RICTOR: variants seen among roughly 807,000 people sequenced by gnomAD.
The protein encoded by RICTOR is RPTOR independent companion of MTOR complex 2.
RICTOR carries 49 observed loss-of-function variants against 214.9 expected under a neutral mutation model. The ratio of observed to expected loss-of-function variants is 0.23; its 90% CI spans 0.18 to 0.29. RICTOR has a LOEUF of 0.29. Among genes scored for constraint, RICTOR ranks in the 10% least tolerant of loss-of-function variants. RICTOR has a pLI of 1.00. For missense variants in RICTOR, 1,625 were observed against 2,047.0 expected, an observed-to-expected ratio of 0.79 and a Z score of 3.98; for synonymous variants, 717 against 711.3, an observed-to-expected ratio of 1.01 and a Z score of -0.13.
intron 3 of RICTOR, among the ~76,000 whole-genome samples, chr5:39,012,532 TCTA>T (rs1754613616): frequency 6.6e-6 from 1 of 152,224 alleles, no homozygotes; most frequent in African/African-American, 2.4e-5. Flanking sequence ...CTGCGAAGCC[TCTA>T]CTAATAATCA....
chr5:38,943,167 T>TAA lies in RICTOR; in HGVS notation c.4914-198_4914-197dup, dbSNP rs1554058622. The TAA allele has an allele frequency of 2.7e-3, 1,103 of 415,344 alleles. 4 individuals are homozygous for TAA. Among genetic ancestry groups the TAA allele is most frequent in the East Asian group, 0.012 (330 of 28,238 alleles). 25.7% of individuals were successfully genotyped at this position (415,344 alleles called of 1,614,324 possible). Reference sequence around the variant, plus strand: ...GACATTCTGAGTTTGGGTTTTTTTTTAAAAAAAATGATTATCAAAACCTGA... The same window carrying TAA: ...GACATTCTGAGTTTGGGTTTTTTTTTAAAAAAAAAATGATTATCAAAACCTGA... On this transcript the variant is annotated intron_variant, in intron 36 of 37. Coordinates refer to ENST00000357387, the MANE Select transcript of RICTOR (RefSeq NM_152756.5).
In RICTOR at chr5:38,938,354, G is replaced by A. The variant is rs1203857870; in HGVS notation, c.*3950C>T. On this transcript the variant is annotated 3_prime_UTR_variant, in exon 38 of 38. Coordinates refer to ENST00000357387, the MANE Select transcript of RICTOR (RefSeq NM_152756.5). Reference sequence around the variant, plus strand: ...CATTTGTTTTACAATGCAGCTTTAGGGTTTCTGACAGGTATTTTTGTAACA... The same window carrying A: ...CATTTGTTTTACAATGCAGCTTTAGAGTTTCTGACAGGTATTTTTGTAACA... The A allele has an allele frequency of 4.4e-6, 1 of 229,168 alleles. No individual in the cohort carries two copies. The highest frequency in any genetic ancestry group is 8.6e-6 in the Non-Finnish European group (1 of 115,612). The allele number at this position is 229,168 out of a possible 1,614,324, so 14.2% of individuals were successfully genotyped here. A position where few individuals can be genotyped will look rare whatever the true frequency, so the allele number is the denominator to read the frequency against.
chr5:38,973,308 C>T (rs149649721), intron 10 of RICTOR, among the ~76,000 whole-genome samples: 119 of 152,236 alleles, frequency 7.8e-4, no homozygotes, highest in Non-Finnish European at 1.2e-3. Context: ...CATAAACAGA[C>T]ATCTAGTTCT....
chr5:38,949,822 A>G lies in RICTOR; in HGVS notation c.4026T>C (p.His1342=), dbSNP rs2112846201. 1 of 1,613,488 alleles carries G rather than the reference A, an allele frequency of 6.2e-7. No individual in the cohort carries two copies. The highest frequency in any genetic ancestry group is 8.5e-7 in the Non-Finnish European group (1 of 1,179,548). The part of the protein sequence containing the change: ...TLKRLQQQRM[H]PSLSHSEALA... Reference sequence around the variant, plus strand: ...AAGCTTCAGAGTGAGATAAGGATGGATGCATTCTTTGTTGCTGTAGTCTTT... The same window carrying G: ...AAGCTTCAGAGTGAGATAAGGATGGGTGCATTCTTTGTTGCTGTAGTCTTT... Residue 1342 remains histidine (H), a synonymous_variant, in exon 31 of 38, where the codon CAT becomes CAC. Transcript: ENST00000357387.
chr5:38,962,664 A>C, intron 17 of RICTOR, 78 bp from the exon 18 acceptor site: 1 of 887,424 alleles, frequency 1.1e-6, no homozygotes. Context: ...AATTTGAAAA[A>C]ATGAAAGGCA....
In RICTOR at chr5:39,002,558, C is replaced by T. The variant is rs2150105530; in HGVS notation, c.369G>A (p.Leu123=). 1 of 1,609,152 alleles carries T rather than the reference C, an allele frequency of 6.2e-7. No homozygotes were observed. Among genetic ancestry groups the T allele is most frequent in the Non-Finnish European group, 8.5e-7 (1 of 1,177,156 alleles). ...ACCTAGCTATTAAATAGTCCACTTT[C>T]AATTTTAGCACCTTCTGGAGAATAC... ...DSSILQKVLK[L]KVDYLIARCI... The change falls in exon 5 of 38, where the codon TTG becomes TTA. Residue 123 remains leucine (L), a synonymous_variant. Transcript: ENST00000357387.
At chr5:38,947,529 T>A in intron 31 of RICTOR, 88 bp from the exon 32 acceptor site, 3 of 951,800 alleles carry the variant, frequency 3.2e-6, no homozygotes, top group Non-Finnish European at 4.8e-6. Context: ...CCTACCTTCA[T>A]AAAAGACAAG....
At chr5:39,018,558 A>G (rs911529290) in intron 3 of RICTOR, among the ~76,000 whole-genome samples, 1 of 152,038 alleles carries the variant, frequency 6.6e-6, no homozygotes, top group Non-Finnish European at 1.5e-5. Flanking sequence ...TGTTTTCATT[A>G]TTATTATCTG....
At chr5:38,944,770 AAC>A (rs1747990267) in intron 35 of RICTOR, 141 bp downstream of exon 35, 1 of 869,374 alleles carries the variant, frequency 1.2e-6, no homozygotes, top group African/African-American at 1.7e-5. Context: ...TGCAATAATT[AAC>A]AGTGTTAAAT....
intron 6 of RICTOR, among the ~76,000 whole-genome samples, chr5:38,991,745 T>C (rs918481584): frequency 1.3e-5 from 2 of 152,130 alleles, no homozygotes; most frequent in Admixed American, 6.6e-5. Flanking sequence ...ACATTAAAGA[T>C]CTAACTGGCA....
chr5:39,031,475 T>C (rs16867988), intron 2 of RICTOR, among the ~76,000 whole-genome samples: 6,847 of 152,258 alleles, frequency 0.045, 285 homozygotes, highest in African/African-American at 0.1. Context: ...ATTTCAATTG[T>C]GCTCTTCTAA....
chr5:39,025,813 T>C (rs559872440), intron 2 of RICTOR, among the ~76,000 whole-genome samples: 1 of 152,152 alleles, frequency 6.6e-6, no homozygotes, highest in African/African-American at 2.4e-5. Flanking sequence ...ACCAATACGT[T>C]ACGGGTTAGG....
At chr5:39,009,106 G>T (rs957248174) in intron 3 of RICTOR, among the ~76,000 whole-genome samples, 7 of 152,054 alleles carry the variant, frequency 4.6e-5, no homozygotes, top group African/African-American at 1.7e-4. Context: ...AAAATGAAAG[G>T]TTGTAAAATT....
At chr5:38,984,638 A>C (rs767911293) in intron 7 of RICTOR, among the ~76,000 whole-genome samples, 1 of 152,000 alleles carries the variant, frequency 6.6e-6, no homozygotes, top group African/African-American at 2.4e-5. Context: ...AAAATCCTCA[A>C]TGGTAGGTTT....
In RICTOR at chr5:39,008,135, GC is replaced by G. The variant is rs1284308669; in HGVS notation, c.196-4514del. On this transcript the variant is annotated intron_variant, in intron 3 of 37. Transcript: ENST00000357387. ...ATAAGAAAAATATGCAGAATCTATT[GC>G]TAAATGGGGAAAAGATTCTGTAAGA... Among the ~76,000 whole-genome samples, 63 of 151,718 alleles carry G rather than the reference GC, an allele frequency of 4.2e-4. 2 individuals are homozygous for G. The highest frequency in any genetic ancestry group is 4.1e-3 in the Admixed American group (63 of 15,234).
chr5:38,952,533 C>A, intron 29 of RICTOR, 108 bp from the exon 30 acceptor site: 3 of 623,004 alleles, frequency 4.8e-6, no homozygotes, highest in Non-Finnish European at 5.0e-6. Context: ...CTAAAACCCA[C>A]CAAAATGGTT....
At chr5:39,001,819 A>G (rs1322911741) in intron 5 of RICTOR, among the ~76,000 whole-genome samples, 1 of 152,126 alleles carries the variant, frequency 6.6e-6, no homozygotes, top group Non-Finnish European at 1.5e-5. Context: ...ACCCCACACA[A>G]GAAAGGATAT....
chr5:39,001,908 T>C (rs905672259), intron 5 of RICTOR, among the ~76,000 whole-genome samples: 1 of 152,092 alleles, frequency 6.6e-6, no homozygotes, highest in African/African-American at 2.4e-5. Flanking sequence ...AGAAGTATAA[T>C]CAGTGCAATC....
At chr5:38,986,948 T>C (rs1305570893) in intron 7 of RICTOR, among the ~76,000 whole-genome samples, 1 of 152,214 alleles carries the variant, frequency 6.6e-6, no homozygotes, top group Non-Finnish European at 1.5e-5. Context: ...TTGAATATTT[T>C]ACTGAAGGCC....
Sources: gnomAD v4.1 joint callset for allele counts (sites outside exome capture counted in the v4.1 genomes callset) on GRCh38, gnomAD v4.1.1 for gene constraint, MANE v1.5 for transcripts, NCBI Gene and HGNC (gene_info 2026-07-23, HGNC 2026-07-21) for gene names.